FAM83F: variants seen among roughly 807,000 people sequenced by gnomAD.
FAM83F encodes protein FAM83F.
FAM83F carries 45 observed loss-of-function variants against 42.9 expected under a neutral mutation model. The observed-to-expected ratio is 1.05, with a 90% CI of 0.83 to 1.35. The LOEUF (loss-of-function observed/expected upper bound fraction) is 1.35, where lower values mean the gene tolerates loss of function less well. FAM83F is among the 40% of genes most tolerant of loss of function. FAM83F has a pLI of 0.00. For missense variants in FAM83F, 617 were observed against 695.9 expected, an observed-to-expected ratio of 0.89 and a Z score of 1.28; for synonymous variants, 306 against 298.3, an observed-to-expected ratio of 1.03 and a Z score of -0.27.
chr22:40,028,384 T>A (rs1331519907), intron 4 of FAM83F, among the ~76,000 whole-genome samples: 1 of 152,182 alleles, frequency 6.6e-6, no homozygotes, highest in Non-Finnish European at 1.5e-5. Context: ...CTTAATTAAA[T>A]TCACAGCTGA....
intron 1 of FAM83F, among the ~76,000 whole-genome samples, chr22:40,012,033 T>C (rs1569232377): frequency 6.6e-6 from 1 of 152,244 alleles, no homozygotes; most frequent in Non-Finnish European, 1.5e-5. Flanking sequence ...TTTTGGATTA[T>C]CCAACTTTCT....
intron 1 of FAM83F, among the ~76,000 whole-genome samples, chr22:40,013,082 CAAAAAAAAAAAAAAAA>C (rs754625979): frequency 6.5e-5 from 3 of 46,394 alleles, no homozygotes; most frequent in Non-Finnish European, 1.1e-4. Context: ...GACTCCGTTT[CAAAAAAAAAAAAAAAA>C]AAAAAAAAAG....
At chr22:40,014,044 T>C (rs2067481150) in intron 1 of FAM83F, among the ~76,000 whole-genome samples, 2 of 151,924 alleles carry the variant, frequency 1.3e-5, no homozygotes, top group Admixed American at 6.5e-5. Context: ...TGCTTTTTTC[T>C]TTATTCTACT....
In FAM83F at chr22:40,040,246, GCAATATAGCAGC is replaced by G. The variant is rs374288581; in HGVS notation, c.*10682_*10693del. The G allele has an allele frequency of 3.5e-4, 53 of 152,198 alleles. No homozygotes were observed. Among genetic ancestry groups the G allele is most frequent in the African/African-American group, 1.3e-3 (52 of 41,446 alleles). The allele number at this position is 152,198 out of a possible 1,614,324, so 9.4% of individuals were successfully genotyped here. A position where few individuals can be genotyped will look rare whatever the true frequency, so the allele number is the denominator to read the frequency against. On this transcript the variant is annotated 3_prime_UTR_variant, in exon 5 of 5. Transcript: ENST00000333407. ...GGTTCCCAAGTCAGACATCCCAGAG[GCAATATAGCAGC>G]GTGGACAAGAGCTTACTCGTTGGAG...
chr22:40,014,091 A>G (rs986981822), intron 1 of FAM83F, among the ~76,000 whole-genome samples: 4 of 136,628 alleles, frequency 2.9e-5, no homozygotes, highest in Non-Finnish European at 6.4e-5. Context: ...AAATACTGGT[A>G]GTTTTGTCTT....
rs936423068 is a variant in FAM83F at position 40,029,842 on chromosome 22, G to A, written c.*277G>A. The A allele has an allele frequency of 7.3e-6, 3 of 412,042 alleles. No individual in the cohort carries two copies. The highest frequency in any genetic ancestry group is 7.0e-4 in the Middle Eastern group (1 of 1,424). The allele number at this position is 412,042 out of a possible 1,614,324, so 25.5% of individuals were successfully genotyped here. The stretch of plus-strand genomic sequence containing the variant: ...GTGGAAGCTTGACCAGTGTCTGCTC[G>A]CCTTTGTGCCCCACCCCCTCCGCTG... On this transcript the variant is annotated 3_prime_UTR_variant, in exon 5 of 5. Transcript: ENST00000333407.
In FAM83F at chr22:39,995,078, G is replaced by T; in HGVS notation, c.36G>T (p.Ala12=). The T allele has an allele frequency of 1.5e-6, 2 of 1,346,484 alleles. No homozygotes were observed. Among genetic ancestry groups the T allele is most frequent in the Non-Finnish European group, 1.9e-6 (2 of 1,056,578 alleles). 83.4% of individuals were successfully genotyped at this position (1,346,484 alleles called of 1,614,324 possible). ...CCCAGCTGAACTGCCTGGACGAGGCGCACGTGAACGAGAAGGTGACCGAGG... is the reference window on the plus strand; with the variant it reads ...CCCAGCTGAACTGCCTGGACGAGGCTCACGTGAACGAGAAGGTGACCGAGG... ...AESQLNCLDE[A]HVNEKVTEAQ... The change falls in exon 1 of 5, where the codon GCG becomes GCT. Residue 12 remains alanine (A), a synonymous_variant. Coordinates refer to ENST00000333407, the MANE Select transcript of FAM83F (RefSeq NM_138435.4). The surrounding 1 kb of genome is among the most constrained non-coding windows in gnomAD (Gnocchi z 4.6).
intron 1 of FAM83F, among the ~76,000 whole-genome samples, chr22:40,012,803 G>T (rs2067473186): frequency 6.6e-6 from 1 of 150,964 alleles, no homozygotes; most frequent in Admixed American, 6.6e-5. Context: ...GCCAGGCACG[G>T]TGGCTCACGC....
chr22:40,019,136 C>T (rs2071771), intron 1 of FAM83F, 32 bp from the exon 2 acceptor site: 449,354 of 1,609,942 alleles, frequency 0.28, 65,720 homozygotes, highest in South Asian at 0.41. Context: ...GTGTAGACAC[C>T]GTGTGCCTCA....
In FAM83F at chr22:40,040,957, C is replaced by T. The variant is rs1389233281; in HGVS notation, c.*11392C>T. The T allele has an allele frequency of 3.3e-5, 5 of 152,242 alleles. No homozygotes were observed. Among genetic ancestry groups the T allele is most frequent in the Non-Finnish European group, 7.3e-5 (5 of 68,068 alleles). 9.4% of individuals were successfully genotyped at this position (152,242 alleles called of 1,614,324 possible). A position where few individuals can be genotyped will look rare whatever the true frequency, so the allele number is the denominator to read the frequency against. On this transcript the variant is annotated 3_prime_UTR_variant, in exon 5 of 5. Transcript: ENST00000333407. The stretch of plus-strand genomic sequence containing the variant: ...CTGGAGCAGATCCAGCTTGCTATCC[C>T]CCCTTCCCCCAGCTTGTGGGTTATT...
At position 40,023,803 on chromosome 22, in the gene FAM83F, C is replaced by T. The variant is rs778838133; in HGVS notation, c.1453+1840C>T. 2.0e-5 allele frequency among the ~76,000 whole-genome samples: 3 copies of T among 152,232 alleles called. No individual in the cohort carries two copies. Among genetic ancestry groups the T allele is most frequent in the East Asian group, 1.9e-4 (1 of 5,168 alleles). On this transcript the variant is annotated intron_variant, in intron 4 of 4. Coordinates refer to ENST00000333407, the MANE Select transcript of FAM83F (RefSeq NM_138435.4). This position sits in a 1 kb window ranked among gnomAD's most constrained non-coding sequence, Gnocchi z 4.1. ...AGAGAGAGAGAGGGAATAGTGAGGG[C>T]GAGGGCACGGACAGCCAGGAAGGTC...
intron 1 of FAM83F, chr22:40,009,910 A>C (rs2067453909): frequency 6.6e-6 from 1 of 152,244 alleles, no homozygotes; most frequent in Non-Finnish European, 1.5e-5. Context: ...GAATGGCAGG[A>C]GAGGGGCATT....
chr22:40,024,294 G>T (rs2067538486), intron 4 of FAM83F, among the ~76,000 whole-genome samples: 2 of 152,156 alleles, frequency 1.3e-5, no homozygotes, highest in African/African-American at 2.4e-5. Flanking sequence ...ACCGCGCCTG[G>T]CCAGGAGCTC....
At chr22:40,007,145 G>T (rs1223712605) in intron 1 of FAM83F, among the ~76,000 whole-genome samples, 2 of 151,066 alleles carry the variant, frequency 1.3e-5, no homozygotes, top group African/African-American at 2.4e-5. Context: ...AGAGACCAGG[G>T]ATGGAGGAAG....
chr22:40,027,342 C>T (rs764471843), intron 4 of FAM83F, among the ~76,000 whole-genome samples: 1 of 152,108 alleles, frequency 6.6e-6, no homozygotes, highest in African/African-American at 2.4e-5. Context: ...CCCTCTCTCC[C>T]GCACCACCTC....
rs998635340 is a variant in FAM83F, at chr22:39,995,020, GC to G, written c.-21del. ...GGACCGCGGCGGGGCCGGGGCCAGG[GC>G]CGGGGCCGGGGCCGGGGCGCCATGG... On this transcript the variant is annotated 5_prime_UTR_variant, in exon 1 of 5. Transcript: ENST00000333407. The surrounding 1 kb of genome is among the most constrained non-coding windows in gnomAD (Gnocchi z 4.6). 9 of 1,255,990 alleles carry G rather than the reference GC, an allele frequency of 7.2e-6. No homozygotes were observed. In the Admixed American group the frequency reaches 1.3e-4, roughly 18 times the overall value. 77.8% of individuals were successfully genotyped at this position (1,255,990 alleles called of 1,614,324 possible). A position where few individuals can be genotyped will look rare whatever the true frequency, so the allele number is the denominator to read the frequency against.
intron 1 of FAM83F, among the ~76,000 whole-genome samples, chr22:40,001,595 A>G (rs986626278): frequency 1.3e-5 from 2 of 152,038 alleles, no homozygotes; most frequent in Non-Finnish European, 2.9e-5. Context: ...TGCGGTGAGC[A>G]GAGATTTCGC....
At chr22:40,028,008 G>C (rs1341995402) in intron 4 of FAM83F, among the ~76,000 whole-genome samples, 4 of 152,236 alleles carry the variant, frequency 2.6e-5, no homozygotes, top group Admixed American at 2.6e-4. Flanking sequence ...CTGATGGGGG[G>C]AAATGGGGAC....
chr22:40,000,689 A>G (rs925180451), intron 1 of FAM83F, among the ~76,000 whole-genome samples: 1 of 152,200 alleles, frequency 6.6e-6, no homozygotes, highest in African/African-American at 2.4e-5. Flanking sequence ...CAATACATTC[A>G]TTAGTCACCT....
Sources: gnomAD v4.1 joint callset for allele counts (sites outside exome capture counted in the v4.1 genomes callset) on GRCh38, gnomAD v4.1.1 for gene constraint, Gnocchi (gnomAD v3.1) non-coding constraint, MANE v1.5 for transcripts, NCBI Gene and HGNC (gene_info 2026-07-23, HGNC 2026-07-21) for gene names.